PWWP3A: variants seen among roughly 807,000 people sequenced by gnomAD.
PWWP3A encodes PWWP domain-containing DNA repair factor 3A.
In PWWP3A, 53 loss-of-function variants were observed where a neutral mutation model predicts 79.0. The observed-to-expected ratio is 0.67, with a 90% CI of 0.54 to 0.84. The LOEUF (loss-of-function observed/expected upper bound fraction) is 0.84, where lower values mean the gene tolerates loss of function less well. Among genes scored for constraint, PWWP3A ranks in the 40% least tolerant of loss-of-function variants. The pLI is 0.00. For synonymous variants in PWWP3A, 443 were observed against 394.4 expected (o/e 1.12, Z -1.46); for missense variants, 973 against 948.0 (o/e 1.03, Z -0.35).
At position 1,360,338 on chromosome 19, in the gene PWWP3A, C is replaced by CCG; in HGVS notation, c.420_421dup (p.Gly141AlafsTer90). On this transcript the variant is annotated frameshift_variant, in exon 5 of 14. Transcript: ENST00000591337. LOFTEE classifies it high-confidence loss of function. The surrounding 1 kb of genome is among the most constrained non-coding windows in gnomAD (Gnocchi z 4.4). ...GTGATTCGAACTCCTCATCTCTTCC[C>CCG]CGCGGAGACGTGTTGGGCAGTTCCA... is the stretch of plus-strand genomic sequence containing the variant. The CCG allele has an allele frequency of 6.2e-7, 1 of 1,614,108 alleles. No homozygotes were observed. Among genetic ancestry groups the CCG allele is most frequent in the Middle Eastern group, 1.6e-4 (1 of 6,062 alleles).
intron 12 of PWWP3A, chr19:1,371,543 CTG>C: frequency 1.6e-6 from 1 of 618,056 alleles, no homozygotes. Flanking sequence ...ACAAATTAGA[CTG>C]TCTGTGATTT....
At chr19:1,371,442 A>G (rs1014840497) in intron 12 of PWWP3A, 5 of 701,074 alleles carry the variant, frequency 7.1e-6, no homozygotes, top group African/African-American at 1.7e-5. Flanking sequence ...TCAGAATCGC[A>G]TTTAGTACCC....
At chr19:1,365,558 G>T (rs1160918468) in intron 7 of PWWP3A, among the ~76,000 whole-genome samples, 4 of 152,244 alleles carry the variant, frequency 2.6e-5, no homozygotes, top group Admixed American at 2.6e-4. Context: ...TGTGGTGTTC[G>T]CTGGGGAGGT....
chr19:1,367,284 C>T (rs545355867), intron 9 of PWWP3A, 64 bp downstream of exon 9: 1 of 1,343,090 alleles, frequency 7.4e-7, no homozygotes, highest in African/African-American at 1.5e-5. Flanking sequence ...AATATGTCCT[C>T]TGTGTGTAGC....
In PWWP3A at chr19:1,366,733, A is replaced by C. The variant is rs1183549531; in HGVS notation, c.1361+352A>C. 3.3e-5 allele frequency among the ~76,000 whole-genome samples: 5 copies of C among 152,358 alleles called. No homozygotes were observed. In the East Asian group the frequency reaches 9.6e-4, roughly 29 times the overall value. On this transcript the variant is annotated intron_variant, in intron 8 of 13. Coordinates refer to ENST00000591337, the MANE Select transcript of PWWP3A (RefSeq NM_001369789.1). ...GTGTGCAGACAGCATCCCTGCGTCC[A>C]CCTGAGTTTGCCCCTGGGTTACCTG...
intron 11 of PWWP3A, 62 bp from the exon 12 acceptor site, chr19:1,370,580 C>A: frequency 7.1e-7 from 1 of 1,407,234 alleles, no homozygotes. Flanking sequence ...TCGGCCCTGA[C>A]CCACAGCCAC....
chr19:1,376,644 C>A lies in PWWP3A; in HGVS notation c.*68C>A, dbSNP rs2082409710. 2 of 1,526,154 alleles carry A rather than the reference C, an allele frequency of 1.3e-6. No homozygotes were observed. Among genetic ancestry groups the A allele is most frequent in the African/African-American group, 1.4e-5 (1 of 72,660 alleles). The allele number at this position is 1,526,154 out of a possible 1,614,324, so 94.5% of individuals were successfully genotyped here. ...GCGCCTCCAGTGTGCATGAGCGTGTCTGAAGATGGGGGGCTCAGGGGGCAC... is the reference window on the plus strand; with the variant it reads ...GCGCCTCCAGTGTGCATGAGCGTGTATGAAGATGGGGGGCTCAGGGGGCAC... On this transcript the variant is annotated 3_prime_UTR_variant, in exon 14 of 14. Coordinates refer to ENST00000591337, the MANE Select transcript of PWWP3A (RefSeq NM_001369789.1).
intron 6 of PWWP3A, among the ~76,000 whole-genome samples, chr19:1,363,757 G>A (rs186975248): frequency 3.9e-5 from 6 of 152,264 alleles, no homozygotes; most frequent in Non-Finnish European, 8.8e-5. Flanking sequence ...GGGAAACGAC[G>A]CTGTGCCATG....
chr19:1,364,231 TC>T (rs1466133639), intron 6 of PWWP3A: 2 of 606,356 alleles, frequency 3.3e-6, no homozygotes, highest in Non-Finnish European at 6.3e-6. Context: ...GTGGCACCCC[TC>T]CCATCCCAAG....
chr19:1,370,611 G>T (rs746199070), intron 11 of PWWP3A, 31 bp from the exon 12 acceptor site: 3 of 1,439,868 alleles, frequency 2.1e-6, no homozygotes, highest in East Asian at 2.5e-5. Context: ...CAGCCCACGC[G>T]CTGGTCCCAC....
intron 12 of PWWP3A, chr19:1,372,869 C>A: frequency 3.6e-6 from 2 of 559,434 alleles, no homozygotes; most frequent in Non-Finnish European, 3.2e-6. Flanking sequence ...GTGTCTAGTC[C>A]GAAAGATAGT....
intron 7 of PWWP3A, 145 bp from the exon 8 acceptor site, chr19:1,366,160 C>T (rs191542408): frequency 1.7e-5 from 13 of 756,920 alleles, no homozygotes; most frequent in South Asian, 6.8e-5. Flanking sequence ...CGTTTCTCAG[C>T]GCCTCCTTGC....
Position 1,376,638 on chromosome 19 carries a change from G to A in PWWP3A, c.*62G>A. ...GTGGAAGCGCCTCCAGTGTGCATGA[G>A]CGTGTCTGAAGATGGGGGGCTCAGG... On this transcript the variant is annotated 3_prime_UTR_variant, in exon 14 of 14. Transcript: ENST00000591337. The A allele has an allele frequency of 6.4e-7, 1 of 1,565,236 alleles. No homozygotes were observed. Among genetic ancestry groups the A allele is most frequent in the South Asian group, 1.1e-5 (1 of 88,900 alleles).
intron 4 of PWWP3A, chr19:1,359,161 C>T (rs751506740): frequency 6.3e-6 from 1 of 159,430 alleles, no homozygotes; most frequent in Non-Finnish European, 1.4e-5. Context: ...ACTGCCTGCC[C>T]CCTAGCCACA....
Position 1,369,210 on chromosome 19 carries a change from C to T in PWWP3A, c.1423-55C>T. ...CCTGGGCTCTGCGTGGCTTCTGAACCCAGGGTGCTTGGCACTGCCTCCCAC... is the reference window on the plus strand; with the variant it reads ...CCTGGGCTCTGCGTGGCTTCTGAACTCAGGGTGCTTGGCACTGCCTCCCAC... On this transcript the variant is annotated intron_variant, in intron 9 of 13. Coordinates refer to ENST00000591337, the MANE Select transcript of PWWP3A (RefSeq NM_001369789.1). This position sits in a 1 kb window ranked among gnomAD's most constrained non-coding sequence, Gnocchi z 4.0. 3 of 1,573,994 alleles carry T rather than the reference C, an allele frequency of 1.9e-6. No homozygotes were observed. Among genetic ancestry groups the T allele is most frequent in the African/African-American group, 1.3e-5 (1 of 74,106 alleles).
At chr19:1,356,105 A>G (rs1178323026) in intron 1 of PWWP3A, among the ~76,000 whole-genome samples, 1 of 152,082 alleles carries the variant, frequency 6.6e-6, no homozygotes, top group Non-Finnish European at 1.5e-5. Context: ...ACTGTGCTGT[A>G]TTTTATTTAT....
At chr19:1,362,029 C>T in intron 5 of PWWP3A, 1 of 386,506 alleles carries the variant, frequency 2.6e-6, no homozygotes, top group Non-Finnish European at 4.7e-6. Context: ...GCAGGCCTCT[C>T]TCCCTCCCTC....
intron 4 of PWWP3A, chr19:1,359,920 A>G: frequency 2.1e-6 from 1 of 473,004 alleles, no homozygotes; most frequent in Non-Finnish European, 3.5e-6. Flanking sequence ...GGTTTTTAAA[A>G]AAATGAAGCC....
intron 13 of PWWP3A, among the ~76,000 whole-genome samples, chr19:1,376,291 G>GTTTTTTTTTTTTTTTTTTTTTTTT (rs1350699607): frequency 1.4e-4 from 7 of 50,850 alleles, no homozygotes; most frequent in Admixed American, 8.4e-4. Flanking sequence ...ACGCCCGGCT[G>GTTTTTTTTTTTTTTTTTTTTTTTT]TTTGTTTTTT....
Sources: allele counts gnomAD v4.1 joint callset (sites outside exome capture counted in the v4.1 genomes callset), GRCh38; gene constraint gnomAD v4.1.1; non-coding constraint Gnocchi (gnomAD v3.1); transcripts MANE v1.5; gene names NCBI Gene and HGNC (gene_info 2026-07-23, HGNC 2026-07-21).